The following KHDRBS2 variants were observed in gnomAD, a reference collection of about 807,000 sequenced individuals.
KHDRBS2 encodes KH RNA binding domain containing, signal transduction associated 2, also known as KH domain-containing, RNA-binding, signal transduction-associated protein 2.
A neutral mutation model predicts 44.3 loss-of-function variants in KHDRBS2; 26 were observed. The ratio of observed to expected loss-of-function variants is 0.59; its 90% CI spans 0.43 to 0.81. The LOEUF is 0.81. Ranked by LOEUF, KHDRBS2 falls within the 40% of genes least tolerant of loss-of-function variation. The pLI is 0.00. For synonymous variants in KHDRBS2, 194 were observed against 151.1 expected, an observed-to-expected ratio of 1.28 and a Z score of -2.08; for missense variants, 476 against 433.1, an observed-to-expected ratio of 1.10 and a Z score of -0.88.
intron 1 of KHDRBS2, among the ~76,000 whole-genome samples, chr6:62,203,325 A>C (rs1203642427): frequency 6.6e-6 from 1 of 152,124 alleles, no homozygotes; most frequent in Non-Finnish European, 1.5e-5. Context: ...ATGCCAGTGC[A>C]ATGTTTCAGG....
chr6:62,247,383 AAG>A (rs1417664365), intron 1 of KHDRBS2, among the ~76,000 whole-genome samples: 8 of 151,884 alleles, frequency 5.3e-5, no homozygotes, highest in Admixed American at 4.6e-4. Context: ...CCTAGCACCA[AAG>A]AGAGTATATA....
the KHDRBS2 span, among the ~76,000 whole-genome samples, chr6:61,569,600 C>G: frequency 1.3e-5 from 2 of 152,302 alleles, no homozygotes; most frequent in Non-Finnish European, 2.9e-5. Context: ...AACTTCACAG[C>G]TAGCATAACC....
chr6:62,200,261 T>C (rs1448655267), intron 1 of KHDRBS2, among the ~76,000 whole-genome samples: 2 of 152,156 alleles, frequency 1.3e-5, no homozygotes, highest in African/African-American at 4.8e-5. Context: ...AAAGAGCTTC[T>C]GCACAGCAAA....
intron 6 of KHDRBS2, among the ~76,000 whole-genome samples, chr6:61,758,023 T>C (rs971638674): frequency 5.5e-4 from 84 of 152,298 alleles, no homozygotes; most frequent in African/African-American, 2.0e-3. Flanking sequence ...TCTCTCCTTG[T>C]GCATCTCTCT....
At chr6:61,720,653 A>G (rs1025234370) in intron 7 of KHDRBS2, among the ~76,000 whole-genome samples, 2 of 151,764 alleles carry the variant, frequency 1.3e-5, no homozygotes, top group African/African-American at 4.8e-5. Context: ...AATTTGTTTG[A>G]GTTCATTGTA....
Position 62,286,215 on chromosome 6 carries a change from G to T in KHDRBS2, c.-267C>A. On this transcript the variant is annotated 5_prime_UTR_variant, in exon 1 of 9. Transcript: ENST00000281156. ...CACCAGCGGCCTTAACTGGAGAGGC[G>T]GGAACAGGACGCGGCCCACCTCCGC... 1 of 481,978 alleles carries T rather than the reference G, an allele frequency of 2.1e-6. No individual in the cohort carries two copies. Among genetic ancestry groups the T allele is most frequent in the Admixed American group, 4.3e-5 (1 of 22,998 alleles). The allele number at this position is 481,978 out of a possible 1,614,324, so 29.9% of individuals were successfully genotyped here.
chr6:62,156,121 G>T (rs1356063366), intron 2 of KHDRBS2, among the ~76,000 whole-genome samples: 1 of 152,084 alleles, frequency 6.6e-6, no homozygotes, highest in Admixed American at 6.5e-5. Flanking sequence ...AAAATAAAAG[G>T]ATCTTAGCAA....
intron 4 of KHDRBS2, among the ~76,000 whole-genome samples, chr6:61,974,624 CTA>C (rs5876768): frequency 0.66 from 99,695 of 151,580 alleles, 32,982 homozygotes; most frequent in African/African-American, 0.74. Flanking sequence ...CCTTGACACT[CTA>C]TTTGTTTTGA....
chr6:61,920,115 C>A (rs1414687462), intron 4 of KHDRBS2, among the ~76,000 whole-genome samples: 1 of 151,780 alleles, frequency 6.6e-6, no homozygotes, highest in Non-Finnish European at 1.5e-5. Context: ...TTGTGTCATG[C>A]CAATTTTCAG....
intron 2 of KHDRBS2, among the ~76,000 whole-genome samples, chr6:62,048,242 A>G (rs185783856): frequency 6.6e-6 from 1 of 151,996 alleles, no homozygotes; most frequent in African/African-American, 2.4e-5. Context: ...AGTGAAAAGT[A>G]TGTTGAAAAT....
intron 2 of KHDRBS2, among the ~76,000 whole-genome samples, chr6:62,106,625 T>A (rs1562875184): frequency 6.6e-6 from 1 of 152,142 alleles, no homozygotes; most frequent in Non-Finnish European, 1.5e-5. Flanking sequence ...AGCATCATCC[T>A]GATACCAAAG....
intron 7 of KHDRBS2, among the ~76,000 whole-genome samples, chr6:61,717,129 A>G (rs1771569896): frequency 6.6e-6 from 1 of 152,040 alleles, no homozygotes; most frequent in African/African-American, 2.4e-5. Context: ...AGAGTTTCAT[A>G]AAAACTATTT....
intron 1 of KHDRBS2, among the ~76,000 whole-genome samples, chr6:62,275,834 T>C (rs141998520): frequency 6.6e-6 from 1 of 152,304 alleles, no homozygotes; most frequent in African/African-American, 2.4e-5. Context: ...TCCAAATTGA[T>C]TGTACTACCT....
At chr6:62,157,461 T>C (rs1816707836) in intron 2 of KHDRBS2, among the ~76,000 whole-genome samples, 1 of 152,188 alleles carries the variant, frequency 6.6e-6, no homozygotes, top group Admixed American at 6.5e-5. Context: ...TTGCTCTCCT[T>C]TAGTTAGCAC....
the KHDRBS2 span, among the ~76,000 whole-genome samples, chr6:61,631,503 T>A: frequency 1.3e-5 from 2 of 152,050 alleles, no homozygotes; most frequent in African/African-American, 4.8e-5. Context: ...TGAGTGTTTG[T>A]GTAAAGGGCT....
At position 61,812,318 on chromosome 6, in the gene KHDRBS2, T is replaced by C. The variant is rs552011340; in HGVS notation, c.811-79554A>G. Among the ~76,000 whole-genome samples, 3 of 152,204 alleles carry C rather than the reference T, an allele frequency of 2.0e-5. No individual in the cohort carries two copies. The East Asian group carries it at 5.8e-4, about 29-fold the overall frequency. On this transcript the variant is annotated intron_variant, in intron 6 of 8. Coordinates refer to ENST00000281156, the MANE Select transcript of KHDRBS2 (RefSeq NM_152688.4). ...AAAAAGTGTACTATACCTCTTTAAC[T>C]TCCTAGTACTGTGAAGAGTGCTTGT...
chr6:61,709,356 A>G (rs1582295583), intron 7 of KHDRBS2, among the ~76,000 whole-genome samples: 1 of 151,806 alleles, frequency 6.6e-6, no homozygotes, highest in East Asian at 1.9e-4. Context: ...TTAAGAATCA[A>G]GATAGATGAT....
At chr6:62,026,129 A>C (rs547679932) in intron 3 of KHDRBS2, among the ~76,000 whole-genome samples, 1 of 151,862 alleles carries the variant, frequency 6.6e-6, no homozygotes, top group African/African-American at 2.4e-5. Flanking sequence ...CTTAACTTCT[A>C]TTATGATGAG....
chr6:61,766,631 T>C (rs1440365154), intron 6 of KHDRBS2, among the ~76,000 whole-genome samples: 1 of 152,074 alleles, frequency 6.6e-6, no homozygotes, highest in Admixed American at 6.6e-5. Flanking sequence ...CTTCTTTTGC[T>C]GTATCTCATA....
Sources: allele counts gnomAD v4.1 joint callset (sites outside exome capture counted in the v4.1 genomes callset), GRCh38; gene constraint gnomAD v4.1.1; transcripts MANE v1.5; gene names NCBI Gene and HGNC (gene_info 2026-07-23, HGNC 2026-07-21).